CD44: variants seen among roughly 807,000 people sequenced by gnomAD.
CD44 encodes the protein CD44 molecule (IN blood group), also known as CD44 antigen.
In CD44, 49 loss-of-function variants were observed where a neutral mutation model predicts 88.8. That is an observed-to-expected ratio of 0.55 (90% CI 0.44 to 0.70). The LOEUF (loss-of-function observed/expected upper bound fraction) is 0.70, where lower values mean the gene tolerates loss of function less well. Ranked by LOEUF, CD44 falls within the 30% of genes least tolerant of loss-of-function variation. CD44 has a pLI of 0.00. For synonymous variants in CD44, 325 were observed against 312.3 expected, an observed-to-expected ratio of 1.04 and a Z score of -0.43; for missense variants, 883 against 913.8, an observed-to-expected ratio of 0.97 and a Z score of 0.43.
chr11:35,171,673 A>G (rs1157482889), intron 1 of CD44, among the ~76,000 whole-genome samples: 1 of 152,254 alleles, frequency 6.6e-6, no homozygotes, highest in African/African-American at 2.4e-5. Flanking sequence ...ACTTCTCAAC[A>G]TAAGCACCAT....
At chr11:35,215,090 C>T (rs980654454) in intron 15 of CD44, 176 bp downstream of exon 15, 2 of 411,254 alleles carry the variant, frequency 4.9e-6, no homozygotes, top group Admixed American at 4.4e-5. Flanking sequence ...CTTAAGGTTC[C>T]TGATTCAGTA....
chr11:35,209,651 T>C (rs552574129), intron 12 of CD44, among the ~76,000 whole-genome samples: 1 of 152,326 alleles, frequency 6.6e-6, no homozygotes, highest in East Asian at 1.9e-4. Context: ...TCTGGTTTTC[T>C]GGAGTGACTG....
rs538558179 is a variant in CD44 at position 35,232,311 on chromosome 11, T to G, written c.*2978T>G. ...TGTATATTTATTGATGGATCAATAA[T>G]AATGAGGAAAGCATGATATGTATAT... On this transcript the variant is annotated 3_prime_UTR_variant, in exon 18 of 18. Transcript: ENST00000428726. 1.3e-5 allele frequency: 2 copies of G among 152,750 alleles called. No individual in the cohort carries two copies. The highest frequency in any genetic ancestry group is 2.9e-5 in the Non-Finnish European group (2 of 68,032). 9.5% of individuals were successfully genotyped at this position (152,750 alleles called of 1,614,324 possible).
intron 8 of CD44, 59 bp downstream of exon 8, chr11:35,201,254 C>A: frequency 1.7e-6 from 2 of 1,180,834 alleles, no homozygotes; most frequent in Non-Finnish European, 2.5e-6. Flanking sequence ...CATGATGCTG[C>A]AAAGGTCAAT....
intron 1 of CD44, among the ~76,000 whole-genome samples, chr11:35,142,787 G>A (rs1385102741): frequency 2.0e-5 from 3 of 152,208 alleles, no homozygotes; most frequent in Admixed American, 6.5e-5. Flanking sequence ...AGGAGGGGAT[G>A]CTGGACAGCA....
At chr11:35,140,120 G>A (rs935534081) in intron 1 of CD44, among the ~76,000 whole-genome samples, 4 of 152,184 alleles carry the variant, frequency 2.6e-5, no homozygotes, top group African/African-American at 9.7e-5. Context: ...CAGTAAGGTG[G>A]CTTATATTCC....
At chr11:35,201,280 G>A in intron 8 of CD44, 85 bp downstream of exon 8, 1 of 946,772 alleles carries the variant, frequency 1.1e-6, no homozygotes. Flanking sequence ...AGGCACAGTG[G>A]GAAATTTAGT....
intron 3 of CD44, among the ~76,000 whole-genome samples, chr11:35,185,375 A>C (rs904736400): frequency 1.5e-4 from 23 of 152,202 alleles, no homozygotes; most frequent in African/African-American, 5.5e-4. Flanking sequence ...TGCCCAAAGA[A>C]ATGGGCAGGT....
chr11:35,153,742 G>A (rs1035689113), intron 1 of CD44, among the ~76,000 whole-genome samples: 2 of 152,184 alleles, frequency 1.3e-5, no homozygotes, highest in Non-Finnish European at 1.5e-5. Context: ...TGGATCTTGT[G>A]AGAGCATAAT....
rs1024485488 is a variant in CD44 at position 35,232,010 on chromosome 11, A to G, written c.*2677A>G. ...TTCCAAAAGTTTTATATTGAGATTC[A>G]TAACAACACCAAGAATTGATTTTGT... On this transcript the variant is annotated 3_prime_UTR_variant, in exon 18 of 18. Coordinates refer to ENST00000428726, the MANE Select transcript of CD44 (RefSeq NM_000610.4). 2.0e-5 allele frequency: 3 copies of G among 152,244 alleles called. No individual in the cohort carries two copies. The highest frequency in any genetic ancestry group is 2.9e-5 in the Non-Finnish European group (2 of 68,038). The allele number at this position is 152,244 out of a possible 1,614,324, so 9.4% of individuals were successfully genotyped here.
chr11:35,141,347 A>G (rs917150292), intron 1 of CD44, among the ~76,000 whole-genome samples: 3 of 152,180 alleles, frequency 2.0e-5, no homozygotes, highest in Non-Finnish European at 4.4e-5. Context: ...GGTGGACTCT[A>G]GGCCTTAGGG....
chr11:35,225,066 C>T (rs1217486192), intron 17 of CD44, among the ~76,000 whole-genome samples: 1 of 125,298 alleles, frequency 8.0e-6, no homozygotes, highest in African/African-American at 2.6e-5. Context: ...ATATTCTATA[C>T]CTCCACTGTC....
At position 35,201,797 on chromosome 11, in the gene CD44, A is replaced by T; in HGVS notation, c.1153+10A>T. Reference sequence around the variant, plus strand: ...CATTCTACAAGCACAAGTAAGCAAGATGGCGGTCGGCAGTTCTGGGTTAGA... The same window carrying T: ...CATTCTACAAGCACAAGTAAGCAAGTTGGCGGTCGGCAGTTCTGGGTTAGA... On this transcript the variant is annotated intron_variant, in intron 9 of 17. Transcript: ENST00000428726. 1 of 1,613,332 alleles carries T rather than the reference A, an allele frequency of 6.2e-7. No homozygotes were observed. The highest frequency in any genetic ancestry group is 8.5e-7 in the Non-Finnish European group (1 of 1,179,458).
At chr11:35,181,782 ATATAAATT>A (rs1460057919) in intron 3 of CD44, among the ~76,000 whole-genome samples, 13 of 100,678 alleles carry the variant, frequency 1.3e-4, no homozygotes, top group Admixed American at 4.0e-4. Context: ...ATATTTATTT[ATATAAATT>A]TATATATAAA....
rs540470898 is a variant in CD44 at position 35,192,317 on chromosome 11, G to C, written c.667+2252G>C. 4.6e-5 allele frequency among the ~76,000 whole-genome samples: 7 copies of C among 152,310 alleles called. No homozygotes were observed. In the South Asian group the frequency reaches 1.4e-3, roughly 32 times the overall value. On this transcript the variant is annotated intron_variant, in intron 5 of 17. Coordinates refer to ENST00000428726, the MANE Select transcript of CD44 (RefSeq NM_000610.4). Reference sequence around the variant, plus strand: ...AGAAACATACCAAGGCAAACAACCTGGTGGAAACTTGAACGTAGCATAATG... The same window carrying C: ...AGAAACATACCAAGGCAAACAACCTCGTGGAAACTTGAACGTAGCATAATG...
At position 35,227,432 on chromosome 11, in the gene CD44, C is replaced by T. The variant is rs181619754; in HGVS notation, c.2025-1697C>T. Among the ~76,000 whole-genome samples the T allele has an allele frequency of 3.0e-3, 464 of 152,292 alleles. 1 individual carries two copies. The highest frequency in any genetic ancestry group is 4.9e-3 in the Non-Finnish European group (331 of 68,030). On this transcript the variant is annotated intron_variant, in intron 17 of 17. Transcript: ENST00000428726. ...ATCTCCTGGGCTCAAGTGATCCACCCGCCTTGGCCTCCCAAAGTGCTGGGA... is the reference window on the plus strand; with the variant it reads ...ATCTCCTGGGCTCAAGTGATCCACCTGCCTTGGCCTCCCAAAGTGCTGGGA...
At chr11:35,202,078 CA>C (rs747133748) in intron 9 of CD44, among the ~76,000 whole-genome samples, 4 of 152,150 alleles carry the variant, frequency 2.6e-5, no homozygotes, top group Non-Finnish European at 5.9e-5. Context: ...TGTGTGTGTT[CA>C]TTGAAATGTG....
intron 3 of CD44, among the ~76,000 whole-genome samples, chr11:35,182,263 A>T (rs920435106): frequency 4.6e-5 from 7 of 151,914 alleles, no homozygotes; most frequent in African/African-American, 1.7e-4. Flanking sequence ...AGTCTACACC[A>T]CCTACCCTTT....
In CD44 at chr11:35,204,505, C is replaced by G. The variant is rs745534503; in HGVS notation, c.1154-7C>G. On this transcript the variant is annotated splice_polypyrimidine_tract_variant and splice_region_variant and intron_variant, in intron 9 of 17. Coordinates refer to ENST00000428726, the MANE Select transcript of CD44 (RefSeq NM_000610.4). ...ATTATGTCTCCCAACTGATATTCTTCTCACAGTCCAGGCAACTCCTAGTAG... is the reference window on the plus strand; with the variant it reads ...ATTATGTCTCCCAACTGATATTCTTGTCACAGTCCAGGCAACTCCTAGTAG... 2.2e-5 allele frequency: 36 copies of G among 1,612,642 alleles called. No homozygotes were observed. Among genetic ancestry groups the G allele is most frequent in the Non-Finnish European group, 3.1e-5 (36 of 1,179,156 alleles).
Sources: gnomAD v4.1 joint callset for allele counts (sites outside exome capture counted in the v4.1 genomes callset) on GRCh38, gnomAD v4.1.1 for gene constraint, MANE v1.5 for transcripts, NCBI Gene and HGNC (gene_info 2026-07-23, HGNC 2026-07-21) for gene names.